Variants in ADCY2 observed in about 807,000 individuals in gnomAD.
ADCY2 encodes adenylate cyclase 2, also known as adenylate cyclase type 2.
Under a neutral mutation model 125.2 loss-of-function variants are expected in ADCY2, and 31 were observed. The observed-to-expected ratio is 0.25, with a 90% CI of 0.19 to 0.33. The LOEUF is 0.33. ADCY2 is among the 10% of genes least tolerant of loss of function. The probability of loss-of-function intolerance (pLI) is 1.00; values close to 1 mark genes in which losing one functional copy is unlikely to be tolerated. For synonymous variants in ADCY2, 512 were observed against 548.4 expected, an observed-to-expected ratio of 0.93 and a Z score of 0.93; for missense variants, 904 against 1,418.2, an observed-to-expected ratio of 0.64 and a Z score of 5.82.
chr5:7,429,761 A>G (rs1740521779), intron 2 of ADCY2, among the ~76,000 whole-genome samples: 3 of 152,248 alleles, frequency 2.0e-5, no homozygotes, highest in Admixed American at 2.0e-4. Flanking sequence ...CACCTAAGGC[A>G]GTGCTTAGCA....
intron 2 of ADCY2, among the ~76,000 whole-genome samples, chr5:7,417,936 T>C (rs1241096198): frequency 6.6e-6 from 1 of 152,236 alleles, no homozygotes; most frequent in Non-Finnish European, 1.5e-5. Flanking sequence ...CAGATGACTG[T>C]ATTTTCATCT....
At chr5:7,483,787 A>G (rs1319102285) in intron 2 of ADCY2, among the ~76,000 whole-genome samples, 7 of 152,202 alleles carry the variant, frequency 4.6e-5, no homozygotes, top group Non-Finnish European at 8.8e-5. Flanking sequence ...CTCCTATTTC[A>G]TCTTTTCCTC....
chr5:7,586,342 A>AT (rs1447917283), intron 3 of ADCY2, among the ~76,000 whole-genome samples: 8 of 152,140 alleles, frequency 5.3e-5, no homozygotes, highest in Admixed American at 5.2e-4. Context: ...CAGAATGGTA[A>AT]TTTTTTAAAA....
At chr5:7,669,615 G>A (rs1357253745) in intron 4 of ADCY2, among the ~76,000 whole-genome samples, 1 of 152,192 alleles carries the variant, frequency 6.6e-6, no homozygotes, top group Non-Finnish European at 1.5e-5. Flanking sequence ...AATAGAAAAT[G>A]TCAGCGCATT....
chr5:7,634,032 T>C (rs537071593), intron 4 of ADCY2, among the ~76,000 whole-genome samples: 1 of 152,358 alleles, frequency 6.6e-6, no homozygotes, highest in South Asian at 2.1e-4. Flanking sequence ...TTGTCACATA[T>C]AGAAACAAAA....
intron 3 of ADCY2, among the ~76,000 whole-genome samples, chr5:7,614,648 T>TGAA (rs1737689237): frequency 6.6e-6 from 1 of 152,196 alleles, no homozygotes; most frequent in Non-Finnish European, 1.5e-5. Flanking sequence ...GAAGTGAATG[T>TGAA]GAAGCACTGT....
intron 2 of ADCY2, among the ~76,000 whole-genome samples, chr5:7,513,162 G>C (rs557319526): frequency 1.3e-5 from 2 of 152,040 alleles, no homozygotes; most frequent in Non-Finnish European, 2.9e-5. Flanking sequence ...TCTGGGGAGA[G>C]AGGAGAAGAG....
chr5:7,695,541 C>T (rs558713419), intron 5 of ADCY2, among the ~76,000 whole-genome samples: 2 of 152,136 alleles, frequency 1.3e-5, no homozygotes, highest in East Asian at 3.9e-4. Flanking sequence ...TGCTTCACTC[C>T]CCATCTTAAC....
chr5:7,426,234 A>G (rs1740381275), intron 2 of ADCY2, among the ~76,000 whole-genome samples: 1 of 152,240 alleles, frequency 6.6e-6, no homozygotes, highest in South Asian at 2.1e-4. Flanking sequence ...TTAAAAGTGA[A>G]TATTGAGTTC....
chr5:7,548,066 T>G (rs1039219898), intron 3 of ADCY2, among the ~76,000 whole-genome samples: 18 of 152,248 alleles, frequency 1.2e-4, no homozygotes, highest in Admixed American at 1.3e-4. Flanking sequence ...CTGCTTCCAT[T>G]GACACCTGCC....
chr5:7,571,179 T>G (rs1736055073), intron 3 of ADCY2, among the ~76,000 whole-genome samples: 1 of 152,088 alleles, frequency 6.6e-6, no homozygotes, highest in Non-Finnish European at 1.5e-5. Context: ...AAGAGATTTA[T>G]TATAAGAATT....
chr5:7,497,638 T>C (rs547395071), intron 2 of ADCY2, among the ~76,000 whole-genome samples: 29 of 152,226 alleles, frequency 1.9e-4, no homozygotes, highest in Middle Eastern at 6.8e-3. Context: ...CAAGCACCTA[T>C]GTAATTTTTA....
chr5:7,768,050 A>C (rs1743447307), intron 17 of ADCY2, among the ~76,000 whole-genome samples: 1 of 151,748 alleles, frequency 6.6e-6, no homozygotes, highest in African/African-American at 2.4e-5. Flanking sequence ...AAAAAAAAGA[A>C]GTGGCTTCTG....
intron 3 of ADCY2, among the ~76,000 whole-genome samples, chr5:7,578,853 A>G (rs1736335639): frequency 2.0e-5 from 3 of 152,032 alleles, no homozygotes; most frequent in Admixed American, 2.0e-4. Context: ...GCACACAGCC[A>G]CTCTGAGTCC....
At position 7,747,725 on chromosome 5, in the gene ADCY2, C is replaced by T. The variant is rs189983040; in HGVS notation, c.1956+3973C>T. 6.8e-3 allele frequency among the ~76,000 whole-genome samples: 1,043 copies of T among 152,344 alleles called. 5 individuals carry two copies. Among genetic ancestry groups the T allele is most frequent in the Non-Finnish European group, 0.011 (730 of 68,038 alleles). On this transcript the variant is annotated intron_variant, in intron 15 of 24. Transcript: ENST00000338316. ...GCCCGCCTTTGCACCACCAACTCCT[C>T]TCATGCTGGCTGGCCGGGATTCCCA...
intron 3 of ADCY2, among the ~76,000 whole-genome samples, chr5:7,595,266 A>G (rs1222912786): frequency 6.6e-6 from 1 of 152,214 alleles, no homozygotes; most frequent in Non-Finnish European, 1.5e-5. Flanking sequence ...TTTTCTTAAA[A>G]TTAAATAGCA....
At chr5:7,675,126 C>T in intron 4 of ADCY2, among the ~76,000 whole-genome samples, 1 of 150,754 alleles carries the variant, frequency 6.6e-6, no homozygotes, top group Non-Finnish European at 1.5e-5. Flanking sequence ...CCACTGCAGT[C>T]CGGCCTGGGT....
At chr5:7,414,381 A>G (rs1739853642) in intron 1 of ADCY2, among the ~76,000 whole-genome samples, 192 bp from the exon 2 acceptor site, 1 of 152,172 alleles carries the variant, frequency 6.6e-6, no homozygotes, top group African/African-American at 2.4e-5. Flanking sequence ...TGGATTATCT[A>G]TTTAGAAAAA....
intron 2 of ADCY2, among the ~76,000 whole-genome samples, chr5:7,506,973 C>G (rs143228661): frequency 0.17 from 25,557 of 148,360 alleles, 2,358 homozygotes; most frequent in African/African-American, 0.2. Flanking sequence ...ATTTTTAGTA[C>G]AGACGGGGTT....
Sources: allele counts gnomAD v4.1 joint callset (sites outside exome capture counted in the v4.1 genomes callset), GRCh38; gene constraint gnomAD v4.1.1; transcripts MANE v1.5; gene names NCBI Gene and HGNC (gene_info 2026-07-23, HGNC 2026-07-21).